The following DNAH1 variants were observed in gnomAD, a reference collection of about 807,000 sequenced individuals.
The protein encoded by DNAH1 is dynein axonemal heavy chain 1.
A neutral mutation model predicts 484.3 loss-of-function variants in DNAH1; 327 were observed. The ratio of observed to expected loss-of-function variants is 0.68; its 90% CI spans 0.62 to 0.74. The LOEUF (loss-of-function observed/expected upper bound fraction) is 0.74. Ranked by LOEUF, DNAH1 falls within the 30% of genes least tolerant of loss-of-function variation. The probability of loss-of-function intolerance (pLI) is 0.00; values close to 1 mark genes in which losing one functional copy is unlikely to be tolerated. For synonymous variants in DNAH1, 2,192 were observed against 2,191.9 expected, an observed-to-expected ratio of 1.00 and a Z score of 0.00; for missense variants, 5,052 against 5,546.8, an observed-to-expected ratio of 0.91 and a Z score of 2.83.
chr3:52,384,330 T>G (rs1194136483), intron 52 of DNAH1, among the ~76,000 whole-genome samples: 1 of 152,154 alleles, frequency 6.6e-6, no homozygotes, highest in East Asian at 1.9e-4. Flanking sequence ...AGATCACAGA[T>G]GGGGGTGTAG....
chr3:52,347,784 C>T, intron 11 of DNAH1, 40 bp from the exon 12 acceptor site: 1 of 1,526,918 alleles, frequency 6.5e-7, no homozygotes, highest in Non-Finnish European at 8.8e-7. Context: ...ACACAGGCCT[C>T]CTAGGCCTCT....
At chr3:52,383,250 C>T (rs1282375561) in intron 50 of DNAH1, 136 bp from the exon 51 acceptor site, 1 of 781,522 alleles carries the variant, frequency 1.3e-6, no homozygotes. Flanking sequence ...TATGAGGTCA[C>T]TTTTGTGACT....
rs766970512 is a variant in DNAH1 at position 52,359,940 on chromosome 3, C to T, written c.4432C>T (p.Arg1478Trp). The change falls in exon 27 of 78, where the codon CGG becomes TGG. Residue 1478 changes from arginine (R) to tryptophan (W), a missense_variant. Transcript: ENST00000420323. ...QQLSDLVALV[R>W]GKLSRMQRAV... ...GCTCAGTGATCTGGTGGCCCTTGTG[C>T]GGGGGAAGCTGTCCCGCATGCAGCG... 20 of 1,613,802 alleles carry T rather than the reference C, an allele frequency of 1.2e-5. No individual in the cohort carries two copies. Among genetic ancestry groups the T allele is most frequent in the Admixed American group, 1.7e-5 (1 of 60,018 alleles).
Position 52,395,271 on chromosome 3 carries a change from C to T in DNAH1, c.10969-37C>T. Reference sequence around the variant, plus strand: ...CTCCCTTGCCCCGATCTCTCTGCAGCCCCAGGTGGTCTCAGCATCTCCCCC... The same window carrying T: ...CTCCCTTGCCCCGATCTCTCTGCAGTCCCAGGTGGTCTCAGCATCTCCCCC... On this transcript the variant is annotated intron_variant, in intron 68 of 77. Transcript: ENST00000420323. The surrounding 1 kb of genome is among the most constrained non-coding windows in gnomAD (Gnocchi z 4.4). 6.2e-7 allele frequency: 1 copy of T among 1,603,608 alleles called. No homozygotes were observed. Among genetic ancestry groups the T allele is most frequent in the Non-Finnish European group, 8.5e-7 (1 of 1,174,156 alleles).
chr3:52,373,235 G>C (rs1367543970), intron 44 of DNAH1, among the ~76,000 whole-genome samples, 182 bp downstream of exon 44: 3 of 152,210 alleles, frequency 2.0e-5, no homozygotes, highest in Non-Finnish European at 2.9e-5. Context: ...CCGCCGCCAC[G>C]GCTGCCGCAG....
rs374361663 is a variant in DNAH1 at position 52,355,537 on chromosome 3, C to T, written c.3693+482C>T. Among the ~76,000 whole-genome samples the T allele has an allele frequency of 1.2e-4, 18 of 152,384 alleles. No individual in the cohort carries two copies. The highest frequency in any genetic ancestry group is 7.7e-4 in the East Asian group (4 of 5,192). On this transcript the variant is annotated intron_variant, in intron 21 of 77. Coordinates refer to ENST00000420323, the MANE Select transcript of DNAH1 (RefSeq NM_015512.5). This position sits in a 1 kb window ranked among gnomAD's most constrained non-coding sequence, Gnocchi z 4.5. ...CCAGGGACTGCACTTGTCTTGGGCT[C>T]TCAAGGCTAGAGGCAAGGGCTGCCC...
chr3:52,373,690 A>C lies in DNAH1; in HGVS notation c.6985+637A>C, dbSNP rs1703457081. The C allele has an allele frequency of 5.1e-6, 7 of 1,376,688 alleles. No homozygotes were observed. The Admixed American group carries it at 8.4e-5, about 17-fold the overall frequency. 85.3% of individuals were successfully genotyped at this position (1,376,688 alleles called of 1,614,324 possible). ...GCTGATCAAAAGAAGTTTTTTATCC[A>C]GAAGTTATGTCAGTGTTGCGTCCTT... On this transcript the variant is annotated intron_variant, in intron 44 of 77. Coordinates refer to ENST00000420323, the MANE Select transcript of DNAH1 (RefSeq NM_015512.5).
At chr3:52,343,835 G>A (rs190921521) in intron 8 of DNAH1, among the ~76,000 whole-genome samples, 3 of 152,286 alleles carry the variant, frequency 2.0e-5, no homozygotes, top group African/African-American at 4.8e-5. Flanking sequence ...GGAACACAGC[G>A]GCATAGGCAA....
chr3:52,328,050 C>A, intron 6 of DNAH1, 36 bp downstream of exon 6: 1 of 1,601,376 alleles, frequency 6.2e-7, no homozygotes, highest in South Asian at 1.1e-5. Flanking sequence ...GACACTATCT[C>A]ATTCCAGTAG....
At chr3:52,391,989 C>G (rs1490796978) in intron 63 of DNAH1, among the ~76,000 whole-genome samples, 2 of 152,214 alleles carry the variant, frequency 1.3e-5, no homozygotes, top group Non-Finnish European at 1.5e-5. Flanking sequence ...TCCAAATGCC[C>G]TGCTTCTTAT....
chr3:52,397,073 A>C (rs957569071), intron 73 of DNAH1, 29 bp downstream of exon 73: 1 of 1,558,936 alleles, frequency 6.4e-7, no homozygotes, highest in Non-Finnish European at 8.7e-7. Context: ...GCTGCACAGG[A>C]GGGGCCTGCC....
intron 1 of DNAH1, among the ~76,000 whole-genome samples, chr3:52,320,800 CTTTTTTT>C (rs556409465): frequency 8.0e-6 from 1 of 125,066 alleles, no homozygotes; most frequent in Admixed American, 8.1e-5. Flanking sequence ...TCTTTCTTTC[CTTTTTTT>C]TTTTTTTTTT....
chr3:52,375,823 C>G, intron 45 of DNAH1, 132 bp from the exon 46 acceptor site: 7 of 1,056,906 alleles, frequency 6.6e-6, no homozygotes, highest in Non-Finnish European at 8.5e-6. Flanking sequence ...GACGGAGTGT[C>G]TCTGAGCCTT....
At chr3:52,315,053 T>C (rs1185201968), upstream of DNAH1, among the ~76,000 whole-genome samples, 1 of 152,122 alleles carries the variant, frequency 6.6e-6, no homozygotes, top group Non-Finnish European at 1.5e-5. Flanking sequence ...ATCAAAGAAA[T>C]GATTATGCTG....
At chr3:52,335,665 G>A (rs562413352) in intron 8 of DNAH1, among the ~76,000 whole-genome samples, 1 of 150,678 alleles carries the variant, frequency 6.6e-6, no homozygotes, top group South Asian at 2.1e-4. Flanking sequence ...ATGGAGTTTT[G>A]TTCTTGTTAC....
At position 52,372,239 on chromosome 3, in the gene DNAH1, G is replaced by T; in HGVS notation, c.6679G>T (p.Gly2227Trp). Residue 2227 changes from glycine (G) to tryptophan (W), a missense_variant, in exon 43 of 78, where the codon GGG (glycine) becomes TGG (tryptophan). This residue lies in a region of DNAH1 where 2,929 missense variants were observed against 3,409.4 expected (regional missense o/e 0.86). Transcript: ENST00000420323. ...CCCGCTCTGCCAGGTGCTGTGCATTGGGCCAACAGGCACGGGGAAGACGCT... is the reference window on the plus strand; with the variant it reads ...CCCGCTCTGCCAGGTGCTGTGCATTTGGCCAACAGGCACGGGGAAGACGCT... The part of the protein sequence containing the change: ...LTNKKPVLCI[G>W]PTGTGKTLTI... The T allele has an allele frequency of 6.2e-7, 1 of 1,613,834 alleles. No individual in the cohort carries two copies. The highest frequency in any genetic ancestry group is 8.5e-7 in the Non-Finnish European group (1 of 1,179,844).
Position 52,390,965 on chromosome 3 carries a change from G to T in DNAH1, c.9652G>T (p.Val3218Leu), listed in dbSNP as rs1177209998. ...IAGLPNDTLS[V>L]ENGVINQFSQ... The stretch of plus-strand genomic sequence containing the variant: ...TGGCCTCCCCAACGACACACTGTCA[G>T]TGGAGAACGGGGTCATCAACCAGTT... The change falls in exon 61 of 78, where the codon GTG (valine) becomes TTG (leucine). Residue 3218 changes from valine to leucine, a missense_variant. By Grantham distance (32) the Val-to-Leu change is conservative (BLOSUM62 1). This residue lies in a region of DNAH1 where 2,929 missense variants were observed against 3,409.4 expected (regional missense o/e 0.86). Transcript: ENST00000420323. 6.4e-7 allele frequency: 1 copy of T among 1,552,320 alleles called. No individual in the cohort carries two copies. Among genetic ancestry groups the T allele is most frequent in the Non-Finnish European group, 8.7e-7 (1 of 1,147,336 alleles).
At position 52,360,299 on chromosome 3, in the gene DNAH1, C is replaced by T. The variant is rs370935022; in HGVS notation, c.4572-12C>T. 15 of 1,609,650 alleles carry T rather than the reference C, an allele frequency of 9.3e-6. No individual in the cohort carries two copies. The highest frequency in any genetic ancestry group is 3.3e-4 in the Middle Eastern group (2 of 6,072). ...GCCCCATGGCCAGGCCCTCATCTCC[C>T]TGCACCGCCAGGTACTACTGGACAA... is the stretch of plus-strand genomic sequence containing the variant. On this transcript the variant is annotated splice_polypyrimidine_tract_variant and intron_variant, in intron 27 of 77. Coordinates refer to ENST00000420323, the MANE Select transcript of DNAH1 (RefSeq NM_015512.5).
intron 43 of DNAH1, 65 bp from the exon 44 acceptor site, chr3:52,372,831 C>G: frequency 6.5e-7 from 1 of 1,542,222 alleles, no homozygotes; most frequent in Middle Eastern, 1.7e-4. Flanking sequence ...GCCACCCGTT[C>G]GCCCCTGGAT....
Sources: allele counts gnomAD v4.1 joint callset (sites outside exome capture counted in the v4.1 genomes callset), GRCh38; gene constraint gnomAD v4.1.1; regional missense constraint gnomAD v4.1.1; non-coding constraint Gnocchi (gnomAD v3.1); transcripts MANE v1.5; gene names NCBI Gene and HGNC (gene_info 2026-07-23, HGNC 2026-07-21).